Variants in ZNF77 observed in about 807,000 individuals in gnomAD.
ZNF77 encodes the protein ZNFpT1.
ZNF77 carries 15 observed loss-of-function variants against 13.5 expected under a neutral mutation model. That is an observed-to-expected ratio of 1.11 (90% CI 0.74 to 1.71). ZNF77 has a LOEUF of 1.71. Ranked by LOEUF, ZNF77 falls within the 40% of genes most tolerant of loss-of-function variation. The probability of loss-of-function intolerance (pLI) is 0.00; values close to 1 mark genes in which losing one functional copy is unlikely to be tolerated. For synonymous variants in ZNF77, 282 were observed against 250.0 expected, an observed-to-expected ratio of 1.13 and a Z score of -1.21; for missense variants, 717 against 676.4, an observed-to-expected ratio of 1.06 and a Z score of -0.67.
Position 2,934,357 on chromosome 19 carries a change from C to T in ZNF77, c.770G>A (p.Arg257Gln), listed in dbSNP as rs547318364. ...KTFMYYSYLT[R>Q]HVRTHTGEKP... ...CTCTCCTGTGTGAGTTCTTACGTGC[C>T]GTGTAAGGTAGGAGTAATACATAAA... is the stretch of plus-strand genomic sequence containing the variant. The change falls in exon 4 of 4, where the codon CGG becomes CAG. Residue 257 changes from arginine to glutamine, a missense_variant. By Grantham distance (43) the Arg-to-Gln change is conservative. Coordinates refer to ENST00000314531, the MANE Select transcript of ZNF77 (RefSeq NM_021217.3). 1.7e-5 allele frequency: 27 copies of T among 1,614,150 alleles called. No homozygotes were observed. The highest frequency in any genetic ancestry group is 1.6e-4 in the Middle Eastern group (1 of 6,062).
Position 2,934,698 on chromosome 19 carries a change from C to T in ZNF77, c.429G>A (p.Glu143=). 2.5e-6 allele frequency: 4 copies of T among 1,614,164 alleles called. No individual in the cohort carries two copies. The highest frequency in any genetic ancestry group is 3.4e-6 in the Non-Finnish European group (4 of 1,180,030). The part of the protein sequence containing the change: ...KSYPTEAKPS[E]CTKCGKAFEN... ...CGAAGGCTTTGCCACACTTAGTGCA[C>T]TCAGAGGGTTTAGCTTCGGTAGGGT... The change falls in exon 4 of 4, where the codon GAG becomes GAA. Residue 143 remains glutamate (E), a synonymous_variant. Coordinates refer to ENST00000314531, the MANE Select transcript of ZNF77 (RefSeq NM_021217.3).
chr19:2,938,039 G>A (rs1217640828), intron 2 of ZNF77, among the ~76,000 whole-genome samples: 1 of 152,164 alleles, frequency 6.6e-6, no homozygotes, highest in Non-Finnish European at 1.5e-5. Context: ...TTACAGGCGT[G>A]AGCCACTGCG....
At position 2,933,662 on chromosome 19, in the gene ZNF77, C is replaced by T; in HGVS notation, c.1465G>A (p.Val489Ile). ...FQKHVRSHSG[V>I]KPYECTECGK... is the part of the protein sequence containing the mutation. Reference sequence around the variant, plus strand: ...CATTCAGTACATTCGTAGGGTTTGACCCCACTGTGTGATCTCACATGCTTT... The same window carrying T: ...CATTCAGTACATTCGTAGGGTTTGATCCCACTGTGTGATCTCACATGCTTT... The change falls in exon 4 of 4, where the codon GTC becomes ATC. Residue 489 changes from valine to isoleucine, a missense_variant. Val to Ile is a conservative substitution (Grantham distance 29). Coordinates refer to ENST00000314531, the MANE Select transcript of ZNF77 (RefSeq NM_021217.3). 1 of 1,613,404 alleles carries T rather than the reference C, an allele frequency of 6.2e-7. No individual in the cohort carries two copies. The highest frequency in any genetic ancestry group is 1.3e-5 in the African/African-American group (1 of 75,028).
intron 3 of ZNF77, among the ~76,000 whole-genome samples, chr19:2,935,793 G>C (rs2088391341): frequency 6.6e-6 from 1 of 152,118 alleles, no homozygotes; most frequent in Admixed American, 6.6e-5. Flanking sequence ...GAGATGGGTG[G>C]ACTGCTTGAG....
intron 2 of ZNF77, among the ~76,000 whole-genome samples, chr19:2,938,910 C>T (rs941173656): frequency 2.6e-5 from 4 of 151,034 alleles, no homozygotes; most frequent in African/African-American, 4.9e-5. Flanking sequence ...GAGCCGAGAT[C>T]GTGCCACTGC....
intron 3 of ZNF77, among the ~76,000 whole-genome samples, chr19:2,935,756 C>T (rs904775414): frequency 6.6e-5 from 10 of 152,152 alleles, no homozygotes; most frequent in Non-Finnish European, 1.2e-4. Context: ...GTGAATCACA[C>T]TTGTAATCCC....
At chr19:2,937,655 G>A (rs2088409346) in intron 2 of ZNF77, among the ~76,000 whole-genome samples, 2 of 152,154 alleles carry the variant, frequency 1.3e-5, no homozygotes. Context: ...GCTTTCCCCT[G>A]CGAAGGAGGA....
rs1382898088 is a variant in ZNF77 at position 2,934,097 on chromosome 19, T to C, written c.1030A>G (p.Arg344Gly). Reference sequence around the variant, plus strand: ...TAGGGTTTCTCTCCACTGTGCGTTCTCCCATGTTCTCGAAGAGACGAGTAA... The same window carrying C: ...TAGGGTTTCTCTCCACTGTGCGTTCCCCCATGTTCTCGAAGAGACGAGTAA... ...TCYSSLREHG[R>G]THSGEKPYEC... The change falls in exon 4 of 4, where the codon AGA becomes GGA. Residue 344 changes from arginine to glycine, a missense_variant. Coordinates refer to ENST00000314531, the MANE Select transcript of ZNF77 (RefSeq NM_021217.3). 3 of 1,613,642 alleles carry C rather than the reference T, an allele frequency of 1.9e-6. No homozygotes were observed. The African/African-American group carries it at 4.0e-5, about 22-fold the overall frequency.
intron 2 of ZNF77, among the ~76,000 whole-genome samples, chr19:2,938,683 G>C (rs185505048): frequency 6.6e-6 from 1 of 152,168 alleles, no homozygotes; most frequent in Non-Finnish European, 1.5e-5. Flanking sequence ...TAGGCCGGGC[G>C]CGGTGGCTCA....
intron 1 of ZNF77, among the ~76,000 whole-genome samples, chr19:2,942,680 G>C (rs2088460830): frequency 6.6e-6 from 1 of 152,086 alleles, no homozygotes; most frequent in South Asian, 2.1e-4. Context: ...ACCCCGTCCT[G>C]CTGTGCTCTG....
chr19:2,944,963 A>T lies in ZNF77; in HGVS notation c.-123T>A, dbSNP rs915914390. The stretch of plus-strand genomic sequence containing the variant: ...GGGGAAGCGCGCAAGGCAGAGGGGA[A>T]CTCGGCTTACCGTCCTCGGGGTCTG... On this transcript the variant is annotated 5_prime_UTR_variant, in exon 1 of 4. Coordinates refer to ENST00000314531, the MANE Select transcript of ZNF77 (RefSeq NM_021217.3). 6.5e-5 allele frequency: 84 copies of T among 1,286,156 alleles called. No individual in the cohort carries two copies. The highest frequency in any genetic ancestry group is 2.0e-4 in the Middle Eastern group (1 of 5,008). 79.7% of individuals were successfully genotyped at this position (1,286,156 alleles called of 1,614,324 possible).
At chr19:2,942,471 C>A (rs911458445) in intron 1 of ZNF77, among the ~76,000 whole-genome samples, 2 of 151,002 alleles carry the variant, frequency 1.3e-5, no homozygotes, top group Admixed American at 6.6e-5. Flanking sequence ...CGATTCTCCC[C>A]CCTCAGCCTC....
chr19:2,934,513 C>T lies in ZNF77; in HGVS notation c.614G>A (p.Ser205Asn). ...TTCATAAGACTTTTTACTGCTGAGA[C>T]TTTTCACGTATGTCACAGATGCTGT... is the stretch of plus-strand genomic sequence containing the variant. The part of the protein sequence containing the change: ...SRTASVTYVK[S>N]LSSKKSYECQ... Residue 205 changes from serine (S) to asparagine (N), a missense_variant, in exon 4 of 4, where the codon AGT becomes AAT. Coordinates refer to ENST00000314531, the MANE Select transcript of ZNF77 (RefSeq NM_021217.3). 1 of 1,614,214 alleles carries T rather than the reference C, an allele frequency of 6.2e-7. No homozygotes were observed. The highest frequency in any genetic ancestry group is 8.5e-7 in the Non-Finnish European group (1 of 1,180,038).
In ZNF77 at chr19:2,939,424, A is replaced by C; in HGVS notation, c.4-17T>G. ...CACGCAGTCCTAAAACATTCCACAC[A>C]TCCCACTTCAGCAAAGGCACCGCCT... is the stretch of plus-strand genomic sequence containing the variant. On this transcript the variant is annotated splice_polypyrimidine_tract_variant and intron_variant, in intron 1 of 3. Coordinates refer to ENST00000314531, the MANE Select transcript of ZNF77 (RefSeq NM_021217.3). The C allele has an allele frequency of 1.9e-6, 3 of 1,612,750 alleles. No homozygotes were observed. Among genetic ancestry groups the C allele is most frequent in the Non-Finnish European group, 2.5e-6 (3 of 1,179,004 alleles).
chr19:2,940,678 G>GAAAAAAAAAAAAAAAAAAAAAAAAAAAA (rs71179936), intron 1 of ZNF77, among the ~76,000 whole-genome samples: 1 of 114,616 alleles, frequency 8.7e-6, no homozygotes, highest in Non-Finnish European at 1.8e-5. Flanking sequence ...TCACAAAAAA[G>GAAAAAAAAAAAAAAAAAAAAAAAAAAAA]AAAAAAAAAA....
chr19:2,943,776 G>C (rs1188138433), intron 1 of ZNF77, among the ~76,000 whole-genome samples: 1 of 135,478 alleles, frequency 7.4e-6, no homozygotes, highest in Non-Finnish European at 1.5e-5. Context: ...GCGGCGCCAT[G>C]TCGGCTCACT....
intron 1 of ZNF77, among the ~76,000 whole-genome samples, chr19:2,940,797 G>A (rs908645179): frequency 5.3e-5 from 8 of 151,884 alleles, no homozygotes; most frequent in Non-Finnish European, 8.8e-5. Context: ...CCTGGCTGTC[G>A]TTACACACTG....
rs1599616319 is a variant in ZNF77, at chr19:2,934,070, C to G, written c.1057G>C (p.Glu353Gln). The change falls in exon 4 of 4, where the codon GAA becomes CAA. Residue 353 changes from glutamate to glutamine, a missense_variant. Physicochemically the swap from Glu to Gln is conservative, Grantham distance 29. Transcript: ENST00000314531. ...GRTHSGEKPY[E>Q]CKECGKAFRY... Reference sequence around the variant, plus strand: ...AAGGCTTTGCCGCATTCCTTACATTCATAGGGTTTCTCTCCACTGTGCGTT... The same window carrying G: ...AAGGCTTTGCCGCATTCCTTACATTGATAGGGTTTCTCTCCACTGTGCGTT... 6.2e-7 allele frequency: 1 copy of G among 1,614,122 alleles called. No individual in the cohort carries two copies. Among genetic ancestry groups the G allele is most frequent in the African/African-American group, 1.3e-5 (1 of 75,042 alleles).
At chr19:2,934,938 G>T in intron 3 of ZNF77, 123 bp from the exon 4 acceptor site, 1 of 1,271,492 alleles carries the variant, frequency 7.9e-7, no homozygotes, top group Non-Finnish European at 1.1e-6. Flanking sequence ...TCTATTTTCA[G>T]CACTGTCTGC....
Sources: gnomAD v4.1 joint callset for allele counts (sites outside exome capture counted in the v4.1 genomes callset) on GRCh38, gnomAD v4.1.1 for gene constraint, MANE v1.5 for transcripts, NCBI Gene and HGNC (gene_info 2026-07-23, HGNC 2026-07-21) for gene names.